SYNM: variants seen among roughly 807,000 people sequenced by gnomAD.
The protein encoded by SYNM is desmuslin.
In SYNM, 95 loss-of-function variants were observed where a neutral mutation model predicts 104.0. That is an observed-to-expected ratio of 0.91 (90% CI 0.77 to 1.08). The LOEUF (loss-of-function observed/expected upper bound fraction) is 1.08, where lower values mean the gene tolerates loss of function less well. Ranked by LOEUF, SYNM falls within the 50% of genes least tolerant of loss-of-function variation. SYNM has a pLI of 0.00. For synonymous variants in SYNM, 918 were observed against 869.0 expected (o/e 1.06, Z -0.99); for missense variants, 2,150 against 2,052.2 (o/e 1.05, Z -0.92).
Position 99,105,108 on chromosome 15 carries a change from G to A in SYNM, c.-92G>A. On this transcript the variant is annotated 5_prime_UTR_variant, in exon 1 of 4. Coordinates refer to ENST00000336292, the MANE Select transcript of SYNM (RefSeq NM_145728.3). ...CTGCGGGCCTCCGGGGCAGCGGCGAGGCCGGAGCGTCGCGGCGGAGAGGAC... is the reference window on the plus strand; with the variant it reads ...CTGCGGGCCTCCGGGGCAGCGGCGAAGCCGGAGCGTCGCGGCGGAGAGGAC... The A allele has an allele frequency of 6.3e-6, 9 of 1,419,946 alleles. No homozygotes were observed. Among genetic ancestry groups the A allele is most frequent in the Non-Finnish European group, 8.5e-6 (9 of 1,061,198 alleles). The allele number at this position is 1,419,946 out of a possible 1,614,324, so 88.0% of individuals were successfully genotyped here. A position where few individuals can be genotyped will look rare whatever the true frequency, so the allele number is the denominator to read the frequency against.
At chr15:99,107,732 G>C (rs1449618260) in intron 1 of SYNM, among the ~76,000 whole-genome samples, 2 of 152,144 alleles carry the variant, frequency 1.3e-5, no homozygotes, top group African/African-American at 4.8e-5. Flanking sequence ...AGTGCAGTTA[G>C]AATCCTGTGC....
intron 2 of SYNM, among the ~76,000 whole-genome samples, chr15:99,117,742 G>A (rs2067362648): frequency 1.2e-5 from 1 of 83,504 alleles, no homozygotes; most frequent in Non-Finnish European, 2.6e-5. Context: ...TGCCTTTTTG[G>A]TAGGGTATTC....
chr15:99,122,360 C>A (rs1459432642), intron 2 of SYNM, among the ~76,000 whole-genome samples: 2 of 152,190 alleles, frequency 1.3e-5, no homozygotes, highest in Non-Finnish European at 2.9e-5. Context: ...GCCACCTGTA[C>A]CTTTTCACGT....
chr15:99,127,087 G>C (rs143088367), intron 3 of SYNM, among the ~76,000 whole-genome samples: 135 of 152,310 alleles, frequency 8.9e-4, no homozygotes, highest in African/African-American at 3.2e-3. Flanking sequence ...GAGTGCACCT[G>C]AACTTGTGTT....
downstream of SYNM, chr15:99,138,210 G>A: frequency 7.0e-6 from 11 of 1,562,200 alleles, no homozygotes; most frequent in South Asian, 2.4e-5. Flanking sequence ...TGCCCAGCAG[G>A]TGCCCAGACC....
chr15:99,108,502 T>A (rs1166035743), intron 1 of SYNM, among the ~76,000 whole-genome samples: 1 of 152,190 alleles, frequency 6.6e-6, no homozygotes, highest in Non-Finnish European at 1.5e-5. Flanking sequence ...CTGTAGAAGC[T>A]TACTATGGGG....
In SYNM at chr15:99,105,448, C is replaced by T. The variant is rs1344336035; in HGVS notation, c.249C>T (p.Gly83=). ...ELSWATALAE[G]ERDALRRELR... ...GCTGGGCCACTGCGCTGGCGGAGGG[C>T]GAGCGGGACGCTCTGCGGCGCGAGC... is the stretch of plus-strand genomic sequence containing the variant. Residue 83 remains glycine, a synonymous_variant, in exon 1 of 4, where the codon GGC becomes GGT. Coordinates refer to ENST00000336292, the MANE Select transcript of SYNM (RefSeq NM_145728.3). 5.6e-6 allele frequency: 8 copies of T among 1,428,396 alleles called. No individual in the cohort carries two copies. The highest frequency in any genetic ancestry group is 7.3e-6 in the Non-Finnish European group (8 of 1,096,418). 88.5% of individuals were successfully genotyped at this position (1,428,396 alleles called of 1,614,324 possible). A position where few individuals can be genotyped will look rare whatever the true frequency, so the allele number is the denominator to read the frequency against.
chr15:99,108,908 G>C (rs1555483138), intron 1 of SYNM, among the ~76,000 whole-genome samples: 1 of 152,218 alleles, frequency 6.6e-6, no homozygotes, highest in African/African-American at 2.4e-5. Flanking sequence ...CTGATTTCAA[G>C]TCCTAAAATG....
chr15:99,105,898 G>A lies in SYNM; in HGVS notation c.699G>A (p.Glu233=), dbSNP rs782259134. ...AAGAGACGCGGCTGTGCGCGCAGGA[G>A]GCAGAGGCGCTGCGGCGCGAGGCGC... The part of the protein sequence containing the change: ...AEEETRLCAQ[E]AEALRREALG... Residue 233 remains glutamate, a synonymous_variant, in exon 1 of 4, where the codon GAG becomes GAA. Transcript: ENST00000336292. 49 of 1,536,552 alleles carry A rather than the reference G, an allele frequency of 3.2e-5. No individual in the cohort carries two copies. The highest frequency in any genetic ancestry group is 2.3e-4 in the Middle Eastern group (1 of 4,382).
At chr15:99,124,177 C>T (rs1463923824) in intron 2 of SYNM, among the ~76,000 whole-genome samples, 2 of 152,256 alleles carry the variant, frequency 1.3e-5, no homozygotes, top group Non-Finnish European at 2.9e-5. Context: ...TCAAAATAAC[C>T]AGGTTTGATT....
chr15:99,108,089 C>T (rs1398980826), intron 1 of SYNM, among the ~76,000 whole-genome samples: 13 of 152,034 alleles, frequency 8.6e-5, no homozygotes. Context: ...ATTCTCGTGC[C>T]TCAGCCTCCC....
At chr15:99,108,806 C>T (rs956063678) in intron 1 of SYNM, among the ~76,000 whole-genome samples, 2 of 152,226 alleles carry the variant, frequency 1.3e-5, no homozygotes. Context: ...TCTCTTCTGT[C>T]TGTTTGATCA....
chr15:99,106,931 T>G (rs1407070693), intron 1 of SYNM, among the ~76,000 whole-genome samples: 1 of 152,230 alleles, frequency 6.6e-6, no homozygotes, highest in Non-Finnish European at 1.5e-5. Context: ...AGCTGTGAGT[T>G]AAAGATTTGA....
the SYNM span, among the ~76,000 whole-genome samples, chr15:99,141,210 A>G: frequency 6.6e-6 from 1 of 152,164 alleles, no homozygotes; most frequent in African/African-American, 2.4e-5. Context: ...ATATGTATAT[A>G]TTATATATGT....
At chr15:99,110,607 A>G (rs2067292724) in intron 1 of SYNM, among the ~76,000 whole-genome samples, 1 of 152,242 alleles carries the variant, frequency 6.6e-6, no homozygotes, top group South Asian at 2.1e-4. Context: ...CAAGGTTGCA[A>G]ATGACAGTGA....
chr15:99,107,553 G>A (rs577193390), intron 1 of SYNM, among the ~76,000 whole-genome samples: 8 of 152,296 alleles, frequency 5.3e-5, no homozygotes, highest in East Asian at 1.9e-4. Flanking sequence ...GTCACCATGC[G>A]TTCACAGCCA....
At chr15:99,139,482 A>C (rs1299454533), downstream of SYNM, 12 of 1,590,206 alleles carry the variant, frequency 7.5e-6, no homozygotes, top group Admixed American at 1.8e-5. Context: ...AATGAGAGAA[A>C]GATGACCTCA....
At chr15:99,119,103 A>C (rs782298443) in intron 2 of SYNM, among the ~76,000 whole-genome samples, 9 of 152,212 alleles carry the variant, frequency 5.9e-5, no homozygotes, top group Admixed American at 2.6e-4. Context: ...TTGCACTAGC[A>C]GCAGAATGGT....
chr15:99,126,179 AC>A (rs2067445485), intron 2 of SYNM, among the ~76,000 whole-genome samples: 1 of 151,530 alleles, frequency 6.6e-6, no homozygotes, highest in African/African-American at 2.4e-5. Context: ...CTCCAAGGTG[AC>A]CCCCTGGAAT....
Sources: gnomAD v4.1 joint callset for allele counts (sites outside exome capture counted in the v4.1 genomes callset) on GRCh38, gnomAD v4.1.1 for gene constraint, MANE v1.5 for transcripts, NCBI Gene and HGNC (gene_info 2026-07-23, HGNC 2026-07-21) for gene names.